The following DNM1L variants were observed in gnomAD, a reference collection of about 807,000 sequenced individuals.
The protein encoded by DNM1L is dynamin-1-like protein.
A neutral mutation model predicts 92.8 loss-of-function variants in DNM1L; 33 were observed. The ratio of observed to expected loss-of-function variants is 0.36; its 90% confidence interval spans 0.27 to 0.48. DNM1L has a LOEUF of 0.48. DNM1L is among the 20% of genes least tolerant of loss of function. The pLI, the probability that DNM1L is intolerant of heterozygous loss-of-function variation, is 0.99. For synonymous variants in DNM1L, 284 were observed against 305.0 expected (o/e 0.93, Z 0.72); for missense variants, 485 against 888.8 (o/e 0.55, Z 5.78).
chr12:32,706,625 T>TA, intron 2 of DNM1L: 1 of 450,626 alleles, frequency 2.2e-6, no homozygotes, highest in South Asian at 1.6e-5. Flanking sequence ...GGCAACTCCT[T>TA]ACGCTGCATA....
In DNM1L at chr12:32,740,147, A is replaced by C; in HGVS notation, c.1791A>C (p.Lys597Asn). Residue 597 changes from lysine to asparagine, a missense_variant, in exon 17 of 20, where the codon AAA becomes AAC. By Grantham distance (94) the Lys-to-Asn change is moderately conservative (BLOSUM62 0). This residue lies in a region of DNM1L where 133 missense variants were observed against 210.9 expected (regional missense o/e 0.63). Transcript: ENST00000549701. ...GNWRGMLKTS[K>N]AEELLAEEKS... is the part of the protein sequence containing the mutation. The stretch of plus-strand genomic sequence containing the variant: ...GGAGAGGAATGCTGAAAACTTCAAA[A>C]GCTGAAGAGTTATTAGCAGAAGAAA... The C allele has an allele frequency of 6.2e-7, 1 of 1,614,200 alleles. No individual in the cohort carries two copies. The highest frequency in any genetic ancestry group is 8.5e-7 in the Non-Finnish European group (1 of 1,180,026).
Position 32,745,053 on chromosome 12 carries a change from C to T in DNM1L, c.*1643C>T, listed in dbSNP as rs1286675540. On this transcript the variant is annotated 3_prime_UTR_variant, in exon 20 of 20. Coordinates refer to ENST00000549701, the MANE Select transcript of DNM1L (RefSeq NM_012062.5). Reference sequence around the variant, plus strand: ...CATCAATTTACTAAGGAACAACAGGCTCACCAACTGATGTCAAACATAAAA... The same window carrying T: ...CATCAATTTACTAAGGAACAACAGGTTCACCAACTGATGTCAAACATAAAA... 2 of 503,416 alleles carry T rather than the reference C, an allele frequency of 4.0e-6. No homozygotes were observed. Among genetic ancestry groups the T allele is most frequent in the African/African-American group, 3.9e-5 (2 of 50,864 alleles). The allele number at this position is 503,416 out of a possible 1,614,324, so 31.2% of individuals were successfully genotyped here.
intron 2 of DNM1L, among the ~76,000 whole-genome samples, chr12:32,704,187 A>G (rs895458763): frequency 4.6e-5 from 7 of 151,794 alleles, no homozygotes; most frequent in Admixed American, 2.6e-4. Flanking sequence ...AAAAAATGTG[A>G]AAAAAAAATT....
chr12:32,743,242 A>C (rs1305262174), intron 19 of DNM1L, 112 bp from the exon 20 acceptor site: 3 of 926,728 alleles, frequency 3.2e-6, no homozygotes, highest in Non-Finnish European at 5.0e-6. Context: ...GTTAGTATAA[A>C]CTGGTTAGTT....
At chr12:32,683,785 C>G (rs1951893598) in intron 1 of DNM1L, among the ~76,000 whole-genome samples, 1 of 152,010 alleles carries the variant, frequency 6.6e-6, no homozygotes, top group Non-Finnish European at 1.5e-5. Context: ...CCTCATGATC[C>G]ACTTGCCTTG....
intron 1 of DNM1L, among the ~76,000 whole-genome samples, chr12:32,687,433 GT>G (rs1473307873): frequency 1.3e-5 from 2 of 149,304 alleles, no homozygotes; most frequent in Non-Finnish European, 3.0e-5. Context: ...TTGAAAATCA[GT>G]TGAGCAAAGA....
At chr12:32,737,333 A>G (rs1229080037) in intron 14 of DNM1L, 172 bp downstream of exon 14, 1 of 617,014 alleles carries the variant, frequency 1.6e-6, no homozygotes, top group East Asian at 2.8e-5. Context: ...TGATTTAAAG[A>G]TAATAGTATT....
chr12:32,733,916 T>C, intron 13 of DNM1L, 109 bp downstream of exon 13: 1 of 930,424 alleles, frequency 1.1e-6, no homozygotes, highest in Non-Finnish European at 1.7e-6. Flanking sequence ...TGTGCCACAT[T>C]AGTGCCTGCT....
intron 13 of DNM1L, 48 bp from the exon 14 acceptor site, chr12:32,737,057 A>T: frequency 6.2e-7 from 1 of 1,604,182 alleles, no homozygotes; most frequent in African/African-American, 1.3e-5. Context: ...TAGTAGGCAT[A>T]TATCTCAATA....
In DNM1L at chr12:32,743,429, G is replaced by T. The variant is rs748376665; in HGVS notation, c.*19G>T. On this transcript the variant is annotated 3_prime_UTR_variant, in exon 20 of 20. Transcript: ENST00000549701. ...TTGGTGAAGAGAACTATGTAATACT[G>T]AGACTTTGTTGACTCAAAACTTGCT... 19 of 1,612,936 alleles carry T rather than the reference G, an allele frequency of 1.2e-5. No homozygotes were observed. The highest frequency in any genetic ancestry group is 1.6e-5 in the Non-Finnish European group (19 of 1,179,274).
chr12:32,718,844 A>G (rs937557103), intron 7 of DNM1L, 81 bp downstream of exon 7: 11 of 1,574,636 alleles, frequency 7.0e-6, no homozygotes, highest in African/African-American at 1.4e-5. Context: ...GCAAGTCTGA[A>G]TTTCTAAAAT....
intron 14 of DNM1L, 85 bp from the exon 15 acceptor site, chr12:32,737,780 G>A (rs760613840): frequency 6.8e-5 from 70 of 1,022,092 alleles, no homozygotes; most frequent in Non-Finnish European, 9.6e-5. Context: ...TTTCATTACA[G>A]AAGGGAAAAA....
At position 32,731,157 on chromosome 12, in the gene DNM1L, A is replaced by C; in HGVS notation, c.1200+23A>C. 1 of 1,613,796 alleles carries C rather than the reference A, an allele frequency of 6.2e-7. No homozygotes were observed. Among genetic ancestry groups the C allele is most frequent in the South Asian group, 1.1e-5 (1 of 90,998 alleles). ...ACTGTGAGTATGTTTAGCTTTTTAG[A>C]CTGTAAAAAAAAATGAGGTTAAAGT... On this transcript the variant is annotated intron_variant, in intron 10 of 19. Coordinates refer to ENST00000549701, the MANE Select transcript of DNM1L (RefSeq NM_012062.5). The surrounding 1 kb of genome is among the most constrained non-coding windows in gnomAD (Gnocchi z 5.1).
intron 13 of DNM1L, 103 bp downstream of exon 13, chr12:32,733,910 C>G: frequency 2.0e-6 from 2 of 988,648 alleles, no homozygotes. Context: ...TAGACATGTG[C>G]CACATTAGTG....
chr12:32,728,797 C>G (rs1003172167), intron 9 of DNM1L: 2 of 152,152 alleles, frequency 1.3e-5, no homozygotes, highest in Middle Eastern at 6.8e-3. Context: ...ACTGTAGATA[C>G]GAAGTTTTTT....
intron 9 of DNM1L, 148 bp from the exon 10 acceptor site, chr12:32,730,866 G>GCTA: frequency 9.0e-7 from 1 of 1,116,608 alleles, no homozygotes; most frequent in Non-Finnish European, 1.3e-6. Flanking sequence ...AGCTGAGTTA[G>GCTA]AACACATGGT....
chr12:32,712,436 A>G (rs770862083), intron 5 of DNM1L, among the ~76,000 whole-genome samples: 1 of 151,978 alleles, frequency 6.6e-6, no homozygotes, highest in Non-Finnish European at 1.5e-5. Flanking sequence ...GTCTCAGTGA[A>G]GTTTCCCTGA....
At chr12:32,743,333 A>AT (rs752940241) in intron 19 of DNM1L, 21 bp from the exon 20 acceptor site, 11 of 1,609,254 alleles carry the variant, frequency 6.8e-6, no homozygotes, top group Admixed American at 3.3e-5. Flanking sequence ...AGCATTTAAA[A>AT]TTTTTTTTCC....
At chr12:32,679,727 C>G (rs1312477934) in intron 1 of DNM1L, 1 of 1,174,308 alleles carries the variant, frequency 8.5e-7, no homozygotes, top group Non-Finnish European at 1.1e-6. Flanking sequence ...CCGGCGGGTC[C>G]CGGGGACAGG....
Sources: allele counts gnomAD v4.1 joint callset (sites outside exome capture counted in the v4.1 genomes callset), GRCh38; gene constraint gnomAD v4.1.1; regional missense constraint gnomAD v4.1.1; non-coding constraint Gnocchi (gnomAD v3.1); transcripts MANE v1.5; gene names NCBI Gene and HGNC (gene_info 2026-07-23, HGNC 2026-07-21).